Variants in PSME3IP1 observed in about 807,000 individuals in gnomAD.
PSME3IP1 encodes the protein PSME3-interacting protein.
PSME3IP1 carries 13 observed loss-of-function variants against 34.1 expected under a neutral mutation model. That is an observed-to-expected ratio of 0.38 (90% CI 0.25 to 0.61). PSME3IP1 has a LOEUF of 0.61. Ranked by LOEUF, PSME3IP1 falls within the 20% of genes least tolerant of loss-of-function variation. The probability of loss-of-function intolerance (pLI) is 0.60; values close to 1 mark genes in which losing one functional copy is unlikely to be tolerated. For synonymous variants in PSME3IP1, 93 were observed against 114.3 expected (o/e 0.81, Z 1.19); for missense variants, 237 against 301.4 (o/e 0.79, Z 1.58).
chr16:57,162,574 A>C (rs1325908763), intron 6 of PSME3IP1, among the ~76,000 whole-genome samples: 1 of 151,830 alleles, frequency 6.6e-6, no homozygotes, highest in Non-Finnish European at 1.5e-5. Context: ...TTGAGGCATG[A>C]AAATTGCTTA....
chr16:57,178,903 A>G, intron 1 of PSME3IP1: 1 of 581,564 alleles, frequency 1.7e-6, no homozygotes, highest in Non-Finnish European at 2.2e-6. Context: ...TGCTGGAAGT[A>G]GACAAAGAAG....
At chr16:57,178,608 C>G (rs1338062379) in intron 1 of PSME3IP1, 1 of 985,132 alleles carries the variant, frequency 1.0e-6, no homozygotes, top group Non-Finnish European at 1.2e-6. Flanking sequence ...TGGTAGCCAT[C>G]AAGCAAGTAT....
At chr16:57,170,365 G>A (rs1030560004) in intron 4 of PSME3IP1, among the ~76,000 whole-genome samples, 6 of 152,172 alleles carry the variant, frequency 3.9e-5, no homozygotes, top group African/African-American at 9.7e-5. Context: ...TCAAAGGCGT[G>A]AGCCACTGTG....
chr16:57,154,960 C>T lies in PSME3IP1; in HGVS notation c.548-453G>A, dbSNP rs984728564. 5.3e-5 allele frequency among the ~76,000 whole-genome samples: 8 copies of T among 152,348 alleles called. No individual in the cohort carries two copies. The highest frequency in any genetic ancestry group is 7.3e-5 in the Non-Finnish European group (5 of 68,028). On this transcript the variant is annotated intron_variant, in intron 6 of 6. Transcript: ENST00000309137. The surrounding 1 kb of genome is among the most constrained non-coding windows in gnomAD (Gnocchi z 4.0). Reference sequence around the variant, plus strand: ...TATTACACCATTTCTTATTTACTGACCAATAAGCCAGCTAGCACAGATACA... The same window carrying T: ...TATTACACCATTTCTTATTTACTGATCAATAAGCCAGCTAGCACAGATACA...
At position 57,171,134 on chromosome 16, in the gene PSME3IP1, A is replaced by G. The variant is rs111396605; in HGVS notation, c.348+1117T>C. Among the ~76,000 whole-genome samples, 1,108 of 152,296 alleles carry G rather than the reference A, an allele frequency of 7.3e-3. 21 individuals are homozygous for G. The highest frequency in any genetic ancestry group is 0.026 in the African/African-American group (1,065 of 41,558). ...GGTGGGGTGCTTAGGGAAGGTTTCT[A>G]AAAGGGAGAGCTGAGCAGAGGGCTG... On this transcript the variant is annotated intron_variant, in intron 4 of 6. Transcript: ENST00000309137.
rs911961044 is a variant in PSME3IP1 at position 57,154,137 on chromosome 16, C to T, written c.*153G>A. 6.0e-6 allele frequency: 4 copies of T among 661,456 alleles called. No individual in the cohort carries two copies. Among genetic ancestry groups the T allele is most frequent in the East Asian group, 2.8e-5 (1 of 36,004 alleles). 41.0% of individuals were successfully genotyped at this position (661,456 alleles called of 1,614,324 possible). A position where few individuals can be genotyped will look rare whatever the true frequency, so the allele number is the denominator to read the frequency against. ...ACACGATTCGGGCCACAGGTGGATT[C>T]TGGCACATTTTTAGATTGGATTGGT... On this transcript the variant is annotated 3_prime_UTR_variant, in exon 7 of 7. Coordinates refer to ENST00000309137, the MANE Select transcript of PSME3IP1 (RefSeq NM_024946.4). The surrounding 1 kb of genome is among the most constrained non-coding windows in gnomAD (Gnocchi z 4.0).
intron 3 of PSME3IP1, 51 bp downstream of exon 3, chr16:57,172,725 G>C: frequency 7.3e-7 from 1 of 1,373,904 alleles, no homozygotes; most frequent in East Asian, 2.3e-5. Flanking sequence ...GCAAAAGTGC[G>C]TCAAAAGTAC....
chr16:57,161,507 T>C (rs1567371180), intron 6 of PSME3IP1, among the ~76,000 whole-genome samples: 2 of 122,938 alleles, frequency 1.6e-5, no homozygotes, highest in Non-Finnish European at 3.2e-5. Flanking sequence ...GCTAAGATCA[T>C]AATTTTTTTT....
Position 57,172,788 on chromosome 16 carries a change from G to C in PSME3IP1, c.214C>G (p.Gln72Glu), listed in dbSNP as rs1297815220. ...TTCTGAAGCTTACTGAATTTGAACT[G>C]TTCCTCGTACTCCTGCTGCTTCCTG... ...KDRKQQEYEEQFKFKNMVRGL... is the reference protein window; with the variant it reads ...KDRKQQEYEEEFKFKNMVRGL... Residue 72 changes from glutamine to glutamate, a missense_variant, in exon 3 of 7, where the codon CAG (glutamine) becomes GAG (glutamate). Gln to Glu is a conservative substitution (Grantham distance 29). Transcript: ENST00000309137. 2 of 1,612,410 alleles carry C rather than the reference G, an allele frequency of 1.2e-6. No individual in the cohort carries two copies. The highest frequency in any genetic ancestry group is 1.3e-5 in the African/African-American group (1 of 74,888).
intron 6 of PSME3IP1, among the ~76,000 whole-genome samples, chr16:57,160,371 T>C (rs1179347415): frequency 6.6e-6 from 1 of 152,266 alleles, no homozygotes; most frequent in South Asian, 2.1e-4. Context: ...AGTATACATT[T>C]ATCCTATTTA....
At chr16:57,166,243 T>C (rs1475866610) in intron 5 of PSME3IP1, among the ~76,000 whole-genome samples, 1 of 152,244 alleles carries the variant, frequency 6.6e-6, no homozygotes, top group African/African-American at 2.4e-5. Context: ...CTTAAACTTA[T>C]CATTTCGCCC....
chr16:57,183,020 A>G (rs369970581), intron 1 of PSME3IP1, among the ~76,000 whole-genome samples: 6 of 152,240 alleles, frequency 3.9e-5, no homozygotes, highest in East Asian at 3.8e-4. Context: ...TCAGTAAAAG[A>G]CATAAGGTTG....
chr16:57,186,035 A>G lies in PSME3IP1; in HGVS notation c.-230T>C, dbSNP rs942451307. The G allele has an allele frequency of 1.0e-6, 1 of 984,614 alleles. No homozygotes were observed. The highest frequency in any genetic ancestry group is 1.2e-6 in the Non-Finnish European group (1 of 829,876). The allele number at this position is 984,614 out of a possible 1,614,324, so 61.0% of individuals were successfully genotyped here. The stretch of plus-strand genomic sequence containing the variant: ...TCAGGGCTTCCTGTTCCTCACCGCC[A>G]CAATAGAGTCCCGCCCCACTTCCGG... On this transcript the variant is annotated 5_prime_UTR_variant, in exon 1 of 7. Transcript: ENST00000309137.
intron 4 of PSME3IP1, among the ~76,000 whole-genome samples, chr16:57,171,549 T>A (rs1311042150): frequency 1.3e-5 from 2 of 152,064 alleles, no homozygotes; most frequent in African/African-American, 2.4e-5. Context: ...GAGAAGAAAG[T>A]CTACTACTAC....
intron 4 of PSME3IP1, among the ~76,000 whole-genome samples, chr16:57,169,700 T>A (rs527395466): frequency 1.3e-5 from 2 of 152,168 alleles, no homozygotes; most frequent in African/African-American, 2.4e-5. Flanking sequence ...AGATGCTACT[T>A]TGGGGGACAC....
intron 6 of PSME3IP1, among the ~76,000 whole-genome samples, chr16:57,159,055 C>T (rs991293812): frequency 5.9e-5 from 9 of 152,044 alleles, no homozygotes; most frequent in Non-Finnish European, 7.4e-5. Flanking sequence ...ATTTCAAGGG[C>T]GAATGGAATT....
chr16:57,184,013 T>G (rs1273414504), intron 1 of PSME3IP1, among the ~76,000 whole-genome samples: 2 of 152,188 alleles, frequency 1.3e-5, no homozygotes, highest in Admixed American at 1.3e-4. Flanking sequence ...ATACTTTCCA[T>G]GTTTAAAGAA....
In PSME3IP1 at chr16:57,167,211, CCTT is replaced by C; in HGVS notation, c.361_363del (p.Lys121del). The C allele has an allele frequency of 1.2e-6, 2 of 1,614,198 alleles. No homozygotes were observed. Among genetic ancestry groups the C allele is most frequent in the Non-Finnish European group, 1.7e-6 (2 of 1,180,028 alleles). ...TTCTTGTTCTCTTGAGAAATTCCAA[CCTT>C]CTTGAGGTTATTGTGAGTTACCAGT... On this transcript the variant is annotated inframe_deletion, in exon 5 of 7. Coordinates refer to ENST00000309137, the MANE Select transcript of PSME3IP1 (RefSeq NM_024946.4).
In PSME3IP1 at chr16:57,154,604, A is replaced by G; in HGVS notation, c.548-97T>C. ...AGGCACTGTACCAAGGGATTTTCCCACAGAGGAGCCTTAGAACAATGCTAT... is the reference window on the plus strand; with the variant it reads ...AGGCACTGTACCAAGGGATTTTCCCGCAGAGGAGCCTTAGAACAATGCTAT... On this transcript the variant is annotated intron_variant, in intron 6 of 6. Coordinates refer to ENST00000309137, the MANE Select transcript of PSME3IP1 (RefSeq NM_024946.4). The surrounding 1 kb of genome is among the most constrained non-coding windows in gnomAD (Gnocchi z 4.0). 1 of 1,040,340 alleles carries G rather than the reference A, an allele frequency of 9.6e-7. No individual in the cohort carries two copies. 64.4% of individuals were successfully genotyped at this position (1,040,340 alleles called of 1,614,324 possible).
Sources: allele counts gnomAD v4.1 joint callset (sites outside exome capture counted in the v4.1 genomes callset), GRCh38; gene constraint gnomAD v4.1.1; non-coding constraint Gnocchi (gnomAD v3.1); transcripts MANE v1.5; gene names NCBI Gene and HGNC (gene_info 2026-07-23, HGNC 2026-07-21).